Variants in CNTN1 observed in about 807,000 individuals in gnomAD.
CNTN1 encodes contactin 1.
A neutral mutation model predicts 126.4 loss-of-function variants in CNTN1; 38 were observed. That is an observed-to-expected ratio of 0.30 (90% confidence interval 0.23 to 0.39). The LOEUF (loss-of-function observed/expected upper bound fraction) is 0.39, where lower values mean the gene tolerates loss of function less well. Ranked by LOEUF, CNTN1 falls within the 10% of genes least tolerant of loss-of-function variation. The probability of loss-of-function intolerance (pLI) is 1.00; values close to 1 mark genes in which losing one functional copy is unlikely to be tolerated. For synonymous variants in CNTN1, 413 were observed against 422.6 expected, an observed-to-expected ratio of 0.98 and a Z score of 0.28; for missense variants, 1,009 against 1,248.4, an observed-to-expected ratio of 0.81 and a Z score of 2.89.
intron 1 of CNTN1, among the ~76,000 whole-genome samples, chr12:40,862,695 C>T (rs1431175640): frequency 6.6e-6 from 1 of 152,014 alleles, no homozygotes; most frequent in Non-Finnish European, 1.5e-5. Flanking sequence ...GCTGTATTGT[C>T]AATGTAAAGG....
chr12:40,764,253 G>C (rs1182083476), intron 1 of CNTN1, among the ~76,000 whole-genome samples: 5 of 152,154 alleles, frequency 3.3e-5, no homozygotes, highest in Non-Finnish European at 7.4e-5. Context: ...AAGCAGGCAA[G>C]GAAGACTTTA....
chr12:40,725,476 A>C (rs1310438712), intron 1 of CNTN1, among the ~76,000 whole-genome samples: 2 of 150,250 alleles, frequency 1.3e-5, no homozygotes, highest in Non-Finnish European at 1.5e-5. Context: ...CTTTTTCTCT[A>C]TCCCTTTGAG....
chr12:40,928,638 T>A (rs564173117), intron 6 of CNTN1, among the ~76,000 whole-genome samples: 10 of 152,188 alleles, frequency 6.6e-5, no homozygotes, highest in South Asian at 6.2e-4. Context: ...CAAAAGAATA[T>A]AATCATATTC....
chr12:40,792,595 T>C (rs1206538711), intron 1 of CNTN1, among the ~76,000 whole-genome samples: 1 of 152,094 alleles, frequency 6.6e-6, no homozygotes, highest in African/African-American at 2.4e-5. Context: ...CAGACTTATC[T>C]GTGGGTTAGT....
intron 1 of CNTN1, among the ~76,000 whole-genome samples, chr12:40,863,004 G>A (rs1465111486): frequency 6.6e-6 from 1 of 152,070 alleles, no homozygotes; most frequent in South Asian, 2.1e-4. Flanking sequence ...AAGAAAGCAT[G>A]TTTTAACTTT....
intron 1 of CNTN1, among the ~76,000 whole-genome samples, chr12:40,758,119 G>A (rs983330887): frequency 6.7e-6 from 1 of 150,260 alleles, no homozygotes; most frequent in Non-Finnish European, 1.5e-5. Flanking sequence ...ATTGTAGATA[G>A]TTATTATCTA....
Position 41,070,570 on chromosome 12 carries a change from A to G in CNTN1, c.*535A>G, listed in dbSNP as rs372327023. 5.2e-5 allele frequency: 8 copies of G among 152,996 alleles called. No individual in the cohort carries two copies. Among genetic ancestry groups the G allele is most frequent in the African/African-American group, 1.4e-4 (6 of 41,576 alleles). The allele number at this position is 152,996 out of a possible 1,614,324, so 9.5% of individuals were successfully genotyped here. On this transcript the variant is annotated 3_prime_UTR_variant, in exon 24 of 24. Coordinates refer to ENST00000551295, the MANE Select transcript of CNTN1 (RefSeq NM_001843.4). ...TTTTCTTGAAAAGACAATAGAGTGT[A>G]ACAAATATTTTGTCAGAAATCCCAT... is the stretch of plus-strand genomic sequence containing the variant.
chr12:40,713,416 T>G (rs943237678), intron 1 of CNTN1, among the ~76,000 whole-genome samples: 2 of 151,016 alleles, frequency 1.3e-5, no homozygotes, highest in African/African-American at 4.8e-5. Context: ...TTATCATGGT[T>G]GTTATCATAC....
intron 1 of CNTN1, among the ~76,000 whole-genome samples, chr12:40,767,659 C>T (rs1310524683): frequency 3.5e-5 from 4 of 114,972 alleles, no homozygotes; most frequent in Non-Finnish European, 7.4e-5. Context: ...TTTGAGACGG[C>T]GTCTTGCTCT....
At chr12:40,810,158 C>T (rs1365655160) in intron 1 of CNTN1, among the ~76,000 whole-genome samples, 3 of 152,022 alleles carry the variant, frequency 2.0e-5, no homozygotes, top group Non-Finnish European at 4.4e-5. Flanking sequence ...AGTATTGTAG[C>T]GAATTTTGTT....
chr12:40,848,636 A>G (rs1942603905), intron 1 of CNTN1, among the ~76,000 whole-genome samples: 1 of 152,160 alleles, frequency 6.6e-6, no homozygotes, highest in African/African-American at 2.4e-5. Context: ...TGAAGGAAGG[A>G]TATTTCGAAA....
At chr12:40,868,583 C>G (rs909592640) in intron 1 of CNTN1, among the ~76,000 whole-genome samples, 2 of 152,144 alleles carry the variant, frequency 1.3e-5, no homozygotes, top group African/African-American at 4.8e-5. Context: ...CTCCCCTGCT[C>G]TCTGCGTTAG....
Position 41,020,319 on chromosome 12 carries a change from GT to G in CNTN1, c.2420-16del, listed in dbSNP as rs751091546. ...GTAAATATCTCACTAATAATATAATGTTCTCATAAAATTTCAGCTCCCAGTG... is the reference window on the plus strand; with the variant it reads ...GTAAATATCTCACTAATAATATAATGTCTCATAAAATTTCAGCTCCCAGTG... On this transcript the variant is annotated splice_polypyrimidine_tract_variant and intron_variant, in intron 19 of 23. Coordinates refer to ENST00000551295, the MANE Select transcript of CNTN1 (RefSeq NM_001843.4). 8 of 1,491,594 alleles carry G rather than the reference GT, an allele frequency of 5.4e-6. No homozygotes were observed. The highest frequency in any genetic ancestry group is 7.5e-6 in the Non-Finnish European group (8 of 1,071,212). The allele number at this position is 1,491,594 out of a possible 1,614,324, so 92.4% of individuals were successfully genotyped here.
intron 1 of CNTN1, among the ~76,000 whole-genome samples, chr12:40,750,160 G>A (rs1447804302): frequency 6.6e-6 from 1 of 152,054 alleles, no homozygotes; most frequent in Non-Finnish European, 1.5e-5. Flanking sequence ...AGAAAAATGG[G>A]ACAGTAACTG....
intron 15 of CNTN1, among the ~76,000 whole-genome samples, chr12:40,971,263 G>A (rs1592343724): frequency 6.6e-6 from 1 of 152,228 alleles, no homozygotes. Flanking sequence ...TTGTGGCATC[G>A]GTCTTCTCCC....
chr12:40,783,483 T>C (rs988738696), intron 1 of CNTN1, among the ~76,000 whole-genome samples: 3 of 152,098 alleles, frequency 2.0e-5, no homozygotes, highest in African/African-American at 7.2e-5. Flanking sequence ...GTGAATAAAG[T>C]AGATTAAAGG....
chr12:40,720,443 C>G (rs184389340), intron 1 of CNTN1, among the ~76,000 whole-genome samples: 2,369 of 151,554 alleles, frequency 0.016, 58 homozygotes, highest in African/African-American at 0.055. Flanking sequence ...TACACACACA[C>G]GAGTCATGCA....
chr12:40,980,810 G>A (rs1947800739), intron 15 of CNTN1, 99 bp from the exon 16 acceptor site: 1 of 1,103,960 alleles, frequency 9.1e-7, no homozygotes, highest in East Asian at 2.4e-5. Context: ...TTGGACAAAT[G>A]TTCTTTAGAT....
In CNTN1 at chr12:40,872,208, TTGTTTGTGTGTGTGTGTGTG is replaced by T. The variant is rs1457485233; in HGVS notation, c.-76-36145_-76-36126del. The stretch of plus-strand genomic sequence containing the variant: ...ATTTCGGTAGGGTTTTTCCGTTGCT[TTGTTTGTGTGTGTGTGTGTG>T]TGTGTGTGTGTGTGTGTGTGTGTGT... On this transcript the variant is annotated intron_variant, in intron 1 of 23. Coordinates refer to ENST00000551295, the MANE Select transcript of CNTN1 (RefSeq NM_001843.4). 5.2e-3 allele frequency among the ~76,000 whole-genome samples: 648 copies of T among 124,138 alleles called. 10 individuals are homozygous for T. Among genetic ancestry groups the T allele is most frequent in the African/African-American group, 0.016 (545 of 33,878 alleles). The allele number at this position is 124,138 out of a possible 152,430, so 81.4% of individuals were successfully genotyped here. A position where few individuals can be genotyped will look rare whatever the true frequency, so the allele number is the denominator to read the frequency against.
Sources: gnomAD v4.1 joint callset for allele counts (sites outside exome capture counted in the v4.1 genomes callset) on GRCh38, gnomAD v4.1.1 for gene constraint, MANE v1.5 for transcripts, NCBI Gene and HGNC (gene_info 2026-07-23, HGNC 2026-07-21) for gene names.